MGAT4C: variants seen among roughly 807,000 people sequenced by gnomAD.
The protein encoded by MGAT4C is MGAT4 family member C.
In MGAT4C, 19 loss-of-function variants were observed where a neutral mutation model predicts 40.1. That is an observed-to-expected ratio of 0.47 (90% CI 0.33 to 0.70). The LOEUF (loss-of-function observed/expected upper bound fraction) is 0.70. Among genes scored for constraint, MGAT4C ranks in the 30% least tolerant of loss-of-function variants. The pLI, the probability that MGAT4C is intolerant of heterozygous loss-of-function variation, is 0.02. For synonymous variants in MGAT4C, 181 were observed against 187.1 expected, an observed-to-expected ratio of 0.97 and a Z score of 0.27; for missense variants, 491 against 563.2, an observed-to-expected ratio of 0.87 and a Z score of 1.30.
chr12:86,652,077 T>G (rs1169275180), intron 2 of MGAT4C, among the ~76,000 whole-genome samples: 1 of 151,890 alleles, frequency 6.6e-6, no homozygotes, highest in African/African-American at 2.4e-5. Context: ...AATAAGTAGT[T>G]TTTTTGCAAC....
intron 1 of MGAT4C, among the ~76,000 whole-genome samples, chr12:86,052,605 G>A (rs2136973306): frequency 6.6e-6 from 1 of 151,972 alleles, no homozygotes; most frequent in South Asian, 2.1e-4. Flanking sequence ...ACATCACTCA[G>A]CAAAATGTAT....
intron 3 of MGAT4C, among the ~76,000 whole-genome samples, chr12:85,986,395 G>T (rs528500292): frequency 6.6e-6 from 1 of 152,218 alleles, no homozygotes; most frequent in African/African-American, 2.4e-5. Flanking sequence ...AAGCTAAGTT[G>T]ATTGGGCATG....
chr12:86,000,260 A>G (rs996089882), intron 2 of MGAT4C, among the ~76,000 whole-genome samples: 2 of 152,154 alleles, frequency 1.3e-5, no homozygotes, highest in Admixed American at 1.3e-4. Context: ...AGTAAAGGTA[A>G]AAATCAATGA....
chr12:86,331,874 A>G (rs1438818277), intron 4 of MGAT4C, among the ~76,000 whole-genome samples: 2 of 152,222 alleles, frequency 1.3e-5, no homozygotes, highest in African/African-American at 4.8e-5. Context: ...TTGTATATTT[A>G]TAATAGTATT....
At chr12:86,818,204 A>G (rs1952641209) in intron 1 of MGAT4C, among the ~76,000 whole-genome samples, 1 of 151,354 alleles carries the variant, frequency 6.6e-6, no homozygotes. Context: ...TTCAAAACAT[A>G]AGAGAATTAG....
intron 2 of MGAT4C, among the ~76,000 whole-genome samples, chr12:86,519,510 A>G (rs879713684): frequency 6.6e-6 from 1 of 152,140 alleles, no homozygotes; most frequent in Non-Finnish European, 1.5e-5. Flanking sequence ...ACTAATTTAC[A>G]TTCCTACCAA....
rs1950875147 is a variant in MGAT4C at position 86,729,438 on chromosome 12, C to A, written c.-261-2197G>T. Among the ~76,000 whole-genome samples, 5 of 151,978 alleles carry A rather than the reference C, an allele frequency of 3.3e-5. 1 individual carries two copies. The South Asian group carries it at 1.0e-3, about 32-fold the overall frequency. On this transcript the variant is annotated intron_variant, in intron 1 of 7. Coordinates refer to the MGAT4C transcript ENST00000548651. The stretch of plus-strand genomic sequence containing the variant: ...AGCCAAACACTTCCTTCACTGAAGG[C>A]AGGTGTAAAAGATTTGATTCTGAAT...
intron 2 of MGAT4C, among the ~76,000 whole-genome samples, chr12:86,653,355 A>G (rs1450794389): frequency 6.6e-6 from 1 of 151,910 alleles, no homozygotes; most frequent in Non-Finnish European, 1.5e-5. Flanking sequence ...TGTCCAATGT[A>G]GTAGTTACAA....
intron 1 of MGAT4C, among the ~76,000 whole-genome samples, chr12:86,830,346 A>G (rs998786188): frequency 6.6e-5 from 10 of 151,428 alleles, no homozygotes; most frequent in African/African-American, 2.4e-4. Flanking sequence ...TTCTGTCACC[A>G]CATGTGTTTA....
chr12:86,827,746 A>G (rs1952836558), intron 1 of MGAT4C, among the ~76,000 whole-genome samples: 1 of 151,442 alleles, frequency 6.6e-6, no homozygotes, highest in Non-Finnish European at 1.5e-5. Context: ...AAAGCCATTT[A>G]AAAGCCAAAT....
chr12:86,611,420 G>GTAGGTAGA (rs1555210939), intron 2 of MGAT4C, among the ~76,000 whole-genome samples: 2 of 146,938 alleles, frequency 1.4e-5, no homozygotes, highest in Non-Finnish European at 3.0e-5. Flanking sequence ...AGGTAGGTAG[G>GTAGGTAGA]TAGATAGATA....
intron 2 of MGAT4C, among the ~76,000 whole-genome samples, chr12:86,014,206 G>A (rs1888822509): frequency 6.6e-6 from 1 of 151,970 alleles, no homozygotes; most frequent in African/African-American, 2.4e-5. Context: ...TCAAAGTTCC[G>A]GTTAATACTT....
chr12:86,626,436 C>A (rs893166227), intron 2 of MGAT4C, among the ~76,000 whole-genome samples: 8 of 152,152 alleles, frequency 5.3e-5, no homozygotes, highest in Non-Finnish European at 1.0e-4. Context: ...CCAAATCAGA[C>A]AACCTTAATA....
chr12:86,736,753 G>A (rs1165981922), intron 1 of MGAT4C, among the ~76,000 whole-genome samples: 3 of 151,746 alleles, frequency 2.0e-5, no homozygotes, highest in African/African-American at 7.3e-5. Flanking sequence ...CTTCACAGAA[G>A]AAAGAAAATC....
intron 3 of MGAT4C, among the ~76,000 whole-genome samples, chr12:86,353,015 A>G (rs895044788): frequency 6.7e-6 from 1 of 148,400 alleles, no homozygotes; most frequent in Non-Finnish European, 1.5e-5. Flanking sequence ...CTTAAAGTAT[A>G]ATAATAATAA....
intron 3 of MGAT4C, among the ~76,000 whole-genome samples, chr12:86,337,208 C>T (rs542817908): frequency 2.0e-5 from 3 of 151,880 alleles, no homozygotes; most frequent in Non-Finnish European, 4.4e-5. Context: ...CTGGGAGTTA[C>T]AAAGTGTTTG....
intron 1 of MGAT4C, among the ~76,000 whole-genome samples, chr12:86,254,017 G>A (rs1952412500): frequency 6.6e-6 from 1 of 151,856 alleles, no homozygotes; most frequent in Non-Finnish European, 1.5e-5. Flanking sequence ...TCTTTTCATG[G>A]CTATTTTTTT....
At chr12:86,669,015 A>C (rs964519505) in intron 2 of MGAT4C, among the ~76,000 whole-genome samples, 14 of 151,870 alleles carry the variant, frequency 9.2e-5, no homozygotes, top group East Asian at 1.9e-4. Flanking sequence ...CACAGGCAGA[A>C]CTCCAGGTAT....
chr12:86,708,897 G>T (rs552152893), intron 2 of MGAT4C, among the ~76,000 whole-genome samples: 18 of 152,262 alleles, frequency 1.2e-4, no homozygotes, highest in Non-Finnish European at 2.6e-4. Flanking sequence ...CTGGCTCATA[G>T]GCAGAAGGGA....
Sources: gnomAD v4.1 joint callset for allele counts (sites outside exome capture counted in the v4.1 genomes callset) on GRCh38, gnomAD v4.1.1 for gene constraint, MANE v1.5 for transcripts, NCBI Gene and HGNC (gene_info 2026-07-23, HGNC 2026-07-21) for gene names.